The following DNAH8 variants were observed in gnomAD, a reference collection of about 807,000 sequenced individuals.
DNAH8 encodes the protein dynein axonemal heavy chain 8.
DNAH8 carries 382 observed loss-of-function variants against 562.1 expected under a neutral mutation model. The observed-to-expected ratio is 0.68, with a 90% CI of 0.63 to 0.74. DNAH8 has a LOEUF of 0.74. Ranked by LOEUF, DNAH8 falls within the 30% of genes least tolerant of loss-of-function variation. DNAH8 has a pLI of 0.00. For synonymous variants in DNAH8, 1,881 were observed against 1,919.4 expected, an observed-to-expected ratio of 0.98 and a Z score of 0.52; for missense variants, 5,203 against 5,620.4, an observed-to-expected ratio of 0.93 and a Z score of 2.37.
chr6:38,989,748 T>C (rs1561949455), intron 87 of DNAH8, among the ~76,000 whole-genome samples: 3 of 152,220 alleles, frequency 2.0e-5, no homozygotes, highest in Non-Finnish European at 4.4e-5. Flanking sequence ...AATCAGAGAA[T>C]GGGCATGTAG....
intron 1 of DNAH8, among the ~76,000 whole-genome samples, chr6:38,719,669 G>C (rs990422794): frequency 2.0e-5 from 3 of 152,170 alleles, no homozygotes; most frequent in Non-Finnish European, 4.4e-5. Context: ...AGACCTGGAG[G>C]GGGTGTAGCT....
intron 12 of DNAH8, among the ~76,000 whole-genome samples, chr6:38,771,497 C>T (rs954649560): frequency 2.0e-5 from 3 of 152,142 alleles, no homozygotes; most frequent in Non-Finnish European, 4.4e-5. Context: ...AATTTTAGAA[C>T]ATTTTCACTC....
chr6:38,790,219 A>G (rs1046478236), intron 19 of DNAH8, 70 bp from the exon 20 acceptor site: 7 of 838,282 alleles, frequency 8.4e-6, no homozygotes, highest in Non-Finnish European at 1.4e-5. Context: ...TTTGTAGGTG[A>G]TAAATCCTCT....
chr6:38,817,056 G>A (rs760128051), intron 26 of DNAH8, among the ~76,000 whole-genome samples: 7 of 152,126 alleles, frequency 4.6e-5, no homozygotes, highest in Non-Finnish European at 8.8e-5. Context: ...CAAGATACCA[G>A]GTAAGGCCCA....
At position 38,832,337 on chromosome 6, in the gene DNAH8, G is replaced by A. The variant is rs756036998; in HGVS notation, c.4204G>A (p.Asp1402Asn). 4.3e-6 allele frequency: 7 copies of A among 1,610,988 alleles called. No homozygotes were observed. In the Admixed American group the frequency reaches 1.0e-4, roughly 23 times the overall value. The change falls in exon 31 of 93, where the codon GAC becomes AAC. Residue 1402 changes from aspartate (D) to asparagine (N), a missense_variant. Physicochemically the swap from Asp to Asn is conservative, Grantham distance 23. Around this residue, in one of 6 missense-constraint regions of DNAH8, gnomAD observed 2,176 missense variants for 2,365.1 expected, o/e 0.92. Transcript: ENST00000327475. The part of the protein sequence containing the change: ...LQSKAVSVQE[D>N]LVQVQPKFKS... The stretch of plus-strand genomic sequence containing the variant: ...TTTATTGTAGGTTTCAGTACAAGAG[G>A]ACCTAGTTCAAGTGCAGCCAAAGTT...
intron 36 of DNAH8, among the ~76,000 whole-genome samples, chr6:38,847,452 C>A (rs1317434055): frequency 6.6e-6 from 1 of 151,892 alleles, no homozygotes; most frequent in African/African-American, 2.4e-5. Context: ...CAGCTCTCGA[C>A]CAGTGGCCAG....
intron 21 of DNAH8, among the ~76,000 whole-genome samples, chr6:38,792,025 A>G (rs563429604): frequency 6.6e-6 from 1 of 152,252 alleles, no homozygotes; most frequent in African/African-American, 2.4e-5. Context: ...AAACCTGGGA[A>G]TCATCTAGAC....
intron 89 of DNAH8, among the ~76,000 whole-genome samples, chr6:39,011,275 A>G (rs12202648): frequency 0.11 from 16,590 of 152,146 alleles, 1,092 homozygotes; most frequent in Admixed American, 0.2. Context: ...AAGCCCACCC[A>G]TCTCTAACAT....
chr6:39,011,084 C>G (rs1160090327), intron 89 of DNAH8, among the ~76,000 whole-genome samples: 1 of 152,094 alleles, frequency 6.6e-6, no homozygotes, highest in East Asian at 1.9e-4. Flanking sequence ...TTCAGGCTGC[C>G]TATTTTATAT....
Position 38,999,511 on chromosome 6 carries a change from G to C in DNAH8, c.13215-9303G>C, listed in dbSNP as rs187113678. 2.1e-4 allele frequency among the ~76,000 whole-genome samples: 32 copies of C among 151,596 alleles called. No individual in the cohort carries two copies. In the East Asian group the frequency reaches 6.2e-3, roughly 29 times the overall value. Reference sequence around the variant, plus strand: ...TCTTTAATCATTAAAGATCTGCATTGATAAAATAATAAGAAGAATAGTTTT... The same window carrying C: ...TCTTTAATCATTAAAGATCTGCATTCATAAAATAATAAGAAGAATAGTTTT... On this transcript the variant is annotated intron_variant, in intron 88 of 92. Transcript: ENST00000327475.
rs113238432 is a variant in DNAH8, at chr6:38,804,484, C to T, written c.3035-997C>T. ...TGTCAGTCACGATCCCTGTTTACTA[C>T]GCACCTGCTCTTCTCCCCAGCTGCT... On this transcript the variant is annotated intron_variant, in intron 22 of 92. Coordinates refer to ENST00000327475, the MANE Select transcript of DNAH8 (RefSeq NM_001206927.2). 3.9e-3 allele frequency among the ~76,000 whole-genome samples: 592 copies of T among 152,244 alleles called. 9 individuals carry two copies. Among genetic ancestry groups the T allele is most frequent in the African/African-American group, 0.014 (574 of 41,538 alleles).
At chr6:38,843,563 C>G (rs1279617392) in intron 35 of DNAH8, among the ~76,000 whole-genome samples, 2 of 152,092 alleles carry the variant, frequency 1.3e-5, no homozygotes, top group Non-Finnish European at 2.9e-5. Flanking sequence ...TCTCCTTGCT[C>G]TAGCATTTAT....
At chr6:38,966,614 A>G (rs1762985004) in intron 82 of DNAH8, among the ~76,000 whole-genome samples, 1 of 152,240 alleles carries the variant, frequency 6.6e-6, no homozygotes, top group Non-Finnish European at 1.5e-5. Flanking sequence ...GCAGCACCAT[A>G]TAAAAACATT....
At chr6:38,846,402 A>G (rs1775305494) in intron 36 of DNAH8, among the ~76,000 whole-genome samples, 1 of 152,172 alleles carries the variant, frequency 6.6e-6, no homozygotes, top group Non-Finnish European at 1.5e-5. Context: ...TGGCACTGGC[A>G]ACCTCTATTC....
intron 24 of DNAH8, among the ~76,000 whole-genome samples, chr6:38,812,779 C>A (rs1771914702): frequency 6.6e-6 from 1 of 151,958 alleles, no homozygotes; most frequent in Non-Finnish European, 1.5e-5. Flanking sequence ...GAGTGCTTTG[C>A]TTTAATTTCC....
rs770281839 is a variant in DNAH8 at position 38,848,699 on chromosome 6, C to T, written c.5097C>T (p.Ser1699=). The change falls in exon 37 of 93, where the codon TCC becomes TCT. Residue 1699 remains serine, a synonymous_variant. Transcript: ENST00000327475. ...TCCAGAATTGGGTGTATAAATTGTC[C>T]ACTTCCTCAGATATAATTGAAGAGT... ...KNIQNWVYKL[S]TSSDIIEEWL... is the part of the protein sequence containing the mutation. 1.9e-6 allele frequency: 3 copies of T among 1,612,068 alleles called. No homozygotes were observed. Among genetic ancestry groups the T allele is most frequent in the Non-Finnish European group, 2.5e-6 (3 of 1,178,442 alleles).
intron 32 of DNAH8, among the ~76,000 whole-genome samples, chr6:38,836,487 A>AAAC (rs1294502428): frequency 4.7e-5 from 7 of 149,506 alleles, no homozygotes; most frequent in South Asian, 2.1e-4. Context: ...AAACCCAACA[A>AAAC]AACAACAACA....
intron 16 of DNAH8, among the ~76,000 whole-genome samples, chr6:38,781,835 G>A (rs1261281945): frequency 3.3e-5 from 5 of 152,016 alleles, no homozygotes; most frequent in Admixed American, 2.0e-4. Flanking sequence ...CATTCTCTAT[G>A]TCCTTCAGAT....
chr6:38,845,280 T>A (rs545565540), intron 35 of DNAH8, among the ~76,000 whole-genome samples: 36 of 152,320 alleles, frequency 2.4e-4, no homozygotes, highest in African/African-American at 8.4e-4. Flanking sequence ...TATCCCCATT[T>A]TAGCCAAAAG....
Sources: allele counts gnomAD v4.1 joint callset (sites outside exome capture counted in the v4.1 genomes callset), GRCh38; gene constraint gnomAD v4.1.1; regional missense constraint gnomAD v4.1.1; transcripts MANE v1.5; gene names NCBI Gene and HGNC (gene_info 2026-07-23, HGNC 2026-07-21).